Variants in PDE4D observed in about 807,000 individuals in gnomAD.
PDE4D encodes phosphodiesterase 4D, also known as 3',5'-cyclic-AMP phosphodiesterase 4D.
A neutral mutation model predicts 87.4 loss-of-function variants in PDE4D; 24 were observed. That is an observed-to-expected ratio of 0.27 (90% CI 0.20 to 0.39). PDE4D has a LOEUF of 0.39. PDE4D is among the 10% of genes least tolerant of loss of function. The pLI, the probability that PDE4D is intolerant of heterozygous loss-of-function variation, is 1.00. For synonymous variants in PDE4D, 384 were observed against 383.2 expected (o/e 1.00, Z -0.02); for missense variants, 714 against 1,041.0 (o/e 0.69, Z 4.32).
At chr5:60,089,619 T>C (rs544043227) in intron 2 of PDE4D, among the ~76,000 whole-genome samples, 1 of 151,736 alleles carries the variant, frequency 6.6e-6, no homozygotes, top group African/African-American at 2.4e-5. Flanking sequence ...CAACCTAACA[T>C]TGTACTTCAA....
intron 1 of PDE4D, among the ~76,000 whole-genome samples, chr5:60,211,738 C>T (rs1743252378): frequency 1.3e-5 from 2 of 151,926 alleles, no homozygotes; most frequent in African/African-American, 2.4e-5. Flanking sequence ...ACTTGTGAAA[C>T]TGTGTGTGCT....
At chr5:59,890,164 C>T (rs1322754453) in intron 1 of PDE4D, among the ~76,000 whole-genome samples, 1 of 151,784 alleles carries the variant, frequency 6.6e-6, no homozygotes, top group Non-Finnish European at 1.5e-5. Context: ...AATCATTCAT[C>T]CATCCACCCA....
intron 1 of PDE4D, among the ~76,000 whole-genome samples, chr5:59,428,336 C>A (rs1795619580): frequency 6.6e-6 from 1 of 151,786 alleles, no homozygotes; most frequent in African/African-American, 2.4e-5. Context: ...TATTTTTTGT[C>A]CCGCAATCTC....
At chr5:59,944,399 G>A (rs1315604202) in intron 3 of PDE4D, among the ~76,000 whole-genome samples, 1 of 151,566 alleles carries the variant, frequency 6.6e-6, no homozygotes, top group African/African-American at 2.4e-5. Flanking sequence ...TTGAGACGGA[G>A]TCTCGCTCTG....
At chr5:60,325,355 C>A (rs1756686620) in intron 1 of PDE4D, among the ~76,000 whole-genome samples, 1 of 152,146 alleles carries the variant, frequency 6.6e-6, no homozygotes, top group Non-Finnish European at 1.5e-5. Flanking sequence ...AAGATTTGTG[C>A]CTGATTGTAT....
At chr5:60,207,720 G>A (rs1313781159) in intron 1 of PDE4D, among the ~76,000 whole-genome samples, 1 of 152,148 alleles carries the variant, frequency 6.6e-6, no homozygotes, top group Admixed American at 6.5e-5. Flanking sequence ...CAGTGATGAG[G>A]TATAAATGAG....
chr5:59,706,713 T>A (rs1308039452), intron 1 of PDE4D, among the ~76,000 whole-genome samples: 1 of 152,126 alleles, frequency 6.6e-6, no homozygotes, highest in African/African-American at 2.4e-5. Flanking sequence ...TAGAGATATT[T>A]TCAATATGGT....
intron 5 of PDE4D, among the ~76,000 whole-genome samples, chr5:59,135,559 A>G (rs1551939): frequency 0.87 from 132,297 of 152,180 alleles, 57,845 homozygotes; most frequent in African/African-American, 0.9. Flanking sequence ...TCTGGTCTGG[A>G]CTTATTTGCA....
At chr5:60,422,860 C>G (rs1359550549) in intron 1 of PDE4D, among the ~76,000 whole-genome samples, 1 of 152,130 alleles carries the variant, frequency 6.6e-6, no homozygotes, top group Non-Finnish European at 1.5e-5. Flanking sequence ...ATCTACCAAG[C>G]AAATGGAAAG....
chr5:59,023,597 A>G (rs1755644754), intron 6 of PDE4D, among the ~76,000 whole-genome samples: 1 of 152,226 alleles, frequency 6.6e-6, no homozygotes, highest in Non-Finnish European at 1.5e-5. Flanking sequence ...TCAAGGCTGC[A>G]GTAAGCCATG....
chr5:59,474,022 T>C (rs1582774352), intron 1 of PDE4D, among the ~76,000 whole-genome samples: 1 of 152,164 alleles, frequency 6.6e-6, no homozygotes, highest in South Asian at 2.1e-4. Context: ...TCTTAATTCA[T>C]TTTTCTAGAA....
chr5:59,086,679 A>G (rs1204061219), intron 5 of PDE4D, among the ~76,000 whole-genome samples: 1 of 152,074 alleles, frequency 6.6e-6, no homozygotes, highest in Non-Finnish European at 1.5e-5. Flanking sequence ...ACTGGCATTT[A>G]CCCTATCTGC....
chr5:60,458,386 C>CAAAAAAAAAAAAAAAAAAA (rs61006284), intron 1 of PDE4D, among the ~76,000 whole-genome samples: 5 of 75,176 alleles, frequency 6.7e-5, no homozygotes, highest in East Asian at 5.9e-4. Context: ...GACTTCATTG[C>CAAAAAAAAAAAAAAAAAAA]AAAAAAAAAA....
intron 1 of PDE4D, among the ~76,000 whole-genome samples, chr5:59,454,181 T>C (rs971899470): frequency 8.5e-5 from 13 of 152,196 alleles, no homozygotes; most frequent in African/African-American, 3.1e-4. Context: ...TAAAAATATA[T>C]TACTGCTCAT....
At chr5:60,306,031 T>C (rs1321839644) in intron 1 of PDE4D, among the ~76,000 whole-genome samples, 1 of 152,054 alleles carries the variant, frequency 6.6e-6, no homozygotes, top group Non-Finnish European at 1.5e-5. Flanking sequence ...AATACTTTTG[T>C]AAAAAGTTGA....
intron 2 of PDE4D, chr5:60,031,114 T>C (rs898473141): frequency 3.3e-5 from 5 of 152,210 alleles, no homozygotes; most frequent in African/African-American, 9.6e-5. Context: ...TGTGAAAGAA[T>C]ATTTTCTGTT....
intron 2 of PDE4D, among the ~76,000 whole-genome samples, chr5:60,013,922 T>C (rs979889318): frequency 2.0e-5 from 3 of 151,660 alleles, no homozygotes; most frequent in East Asian, 3.9e-4. Flanking sequence ...TGAAACCCCA[T>C]CTCTGCTAAA....
intron 5 of PDE4D, among the ~76,000 whole-genome samples, chr5:59,163,851 A>T (rs1215361508): frequency 1.3e-5 from 2 of 152,196 alleles, no homozygotes; most frequent in African/African-American, 4.8e-5. Flanking sequence ...GCATTGTCCC[A>T]GCATATTAGT....
At chr5:59,757,714 G>A (rs866225630) in intron 1 of PDE4D, among the ~76,000 whole-genome samples, 1 of 152,082 alleles carries the variant, frequency 6.6e-6, no homozygotes, top group Non-Finnish European at 1.5e-5. Context: ...ACAGATTTCT[G>A]ACTTGATCTT....
Sources: allele counts gnomAD v4.1 joint callset (sites outside exome capture counted in the v4.1 genomes callset), GRCh38; gene constraint gnomAD v4.1.1; transcripts MANE v1.5; gene names NCBI Gene and HGNC (gene_info 2026-07-23, HGNC 2026-07-21).